DMRT1: variants seen among roughly 807,000 people sequenced by gnomAD.
DMRT1 encodes doublesex and mab-3 related transcription factor 1, also known as doublesex- and mab-3-related transcription factor 1.
A neutral mutation model predicts 32.3 loss-of-function variants in DMRT1; 7 were observed. The observed-to-expected ratio is 0.22, with a 90% CI of 0.12 to 0.41. The LOEUF (loss-of-function observed/expected upper bound fraction) is 0.41, where lower values mean the gene tolerates loss of function less well. Among genes scored for constraint, DMRT1 ranks in the 10% least tolerant of loss-of-function variants. DMRT1 has a pLI of 1.00. For missense variants in DMRT1, 625 were observed against 500.5 expected (o/e 1.25, Z -2.37); for synonymous variants, 278 against 206.1 (o/e 1.35, Z -2.99).
chr9:929,568 T>A (rs552259906), intron 4 of DMRT1, among the ~76,000 whole-genome samples: 3 of 152,004 alleles, frequency 2.0e-5, no homozygotes, highest in Non-Finnish European at 4.4e-5. Flanking sequence ...GATACATAGG[T>A]CCAGAAAGGT....
At chr9:865,669 G>A (rs569607652) in intron 2 of DMRT1, among the ~76,000 whole-genome samples, 2 of 151,978 alleles carry the variant, frequency 1.3e-5, no homozygotes, top group Admixed American at 6.6e-5. Flanking sequence ...CTTTGGGTGA[G>A]GATTACATAA....
At position 841,915 on chromosome 9, in the gene DMRT1, G is replaced by C; in HGVS notation, c.77G>C (p.Gly26Ala). ...CACGCCCCCGGGGTACCGCCGCAGG[G>C]CAGAGCCGGGGGCTTTGGCAAAGCG... ...APHAPGVPPQ[G>A]RAGGFGKASG... Residue 26 changes from glycine to alanine, a missense_variant, in exon 1 of 5, where the codon GGC becomes GCC. Transcript: ENST00000382276. The C allele has an allele frequency of 6.2e-7, 1 of 1,609,206 alleles. No homozygotes were observed. The highest frequency in any genetic ancestry group is 1.7e-5 in the Admixed American group (1 of 59,732).
rs150094650 is a variant in DMRT1 at position 914,131 on chromosome 9, A to G, written c.823-2632A>G. On this transcript the variant is annotated intron_variant, in intron 3 of 4. Transcript: ENST00000382276. ...TAATTGATAACTGGGTGTGTGTAGT[A>G]AACAGCTACCATGATTGTCCCTTTT... is the stretch of plus-strand genomic sequence containing the variant. 9.8e-5 allele frequency among the ~76,000 whole-genome samples: 15 copies of G among 152,292 alleles called. No homozygotes were observed. In the East Asian group the frequency reaches 2.9e-3, roughly 29 times the overall value.
intron 4 of DMRT1, among the ~76,000 whole-genome samples, chr9:928,846 TTTTATTTATTTA>T (rs573508979): frequency 1.3e-5 from 2 of 150,984 alleles, no homozygotes; most frequent in African/African-American, 4.9e-5. Context: ...ATTTATTTAT[TTTTATTTATTTA>T]TTTATTTATT....
intron 2 of DMRT1, among the ~76,000 whole-genome samples, chr9:866,163 C>CAA (rs71327351): frequency 0.36 from 19,097 of 52,430 alleles, 5,164 homozygotes; most frequent in East Asian, 0.63. Context: ...GAGTCCATCT[C>CAA]AAAAAAAAAA....
intron 3 of DMRT1, among the ~76,000 whole-genome samples, chr9:906,267 T>A (rs548445434): frequency 1.3e-5 from 2 of 152,316 alleles, no homozygotes; most frequent in African/African-American, 4.8e-5. Flanking sequence ...GATGTGAGTG[T>A]GTGCGTGTGC....
At chr9:906,741 G>A (rs1432946128) in intron 3 of DMRT1, among the ~76,000 whole-genome samples, 2 of 152,144 alleles carry the variant, frequency 1.3e-5, no homozygotes, top group Non-Finnish European at 2.9e-5. Flanking sequence ...GAGACAATGC[G>A]AAGAGTTGTT....
intron 2 of DMRT1, among the ~76,000 whole-genome samples, chr9:890,434 G>A (rs1205668436): frequency 1.3e-5 from 2 of 152,188 alleles, no homozygotes; most frequent in Non-Finnish European, 2.9e-5. Context: ...GCATTTACAG[G>A]AGCCTAGCAT....
chr9:896,835 T>C (rs1264677263), intron 3 of DMRT1, among the ~76,000 whole-genome samples: 1 of 151,888 alleles, frequency 6.6e-6, no homozygotes. Context: ...GAATTGACTT[T>C]TCTAAGCCCA....
At chr9:953,900 G>C (rs1047002763) in intron 4 of DMRT1, among the ~76,000 whole-genome samples, 1 of 152,172 alleles carries the variant, frequency 6.6e-6, no homozygotes, top group African/African-American at 2.4e-5. Context: ...ACCATAACAT[G>C]GTCCCTCCTC....
intron 2 of DMRT1, among the ~76,000 whole-genome samples, chr9:864,190 ACTTCTT>A (rs149663610): frequency 6.1e-5 from 9 of 146,648 alleles, no homozygotes; most frequent in Admixed American, 4.8e-4. Context: ...TATTCTTTTA[ACTTCTT>A]CTTCTTCTTT....
In DMRT1 at chr9:930,720, T is replaced by A. The variant is rs191030196; in HGVS notation, c.967+13813T>A. On this transcript the variant is annotated intron_variant, in intron 4 of 4. Coordinates refer to ENST00000382276, the MANE Select transcript of DMRT1 (RefSeq NM_021951.3). ...ACCGCACCCGGCCAATTTTAAAAAA[T>A]TTTTTGTAGGACAGGTTCTTGCTAT... 6.1e-3 allele frequency among the ~76,000 whole-genome samples: 927 copies of A among 152,198 alleles called. 6 individuals are homozygous for A. Among genetic ancestry groups the A allele is most frequent in the African/African-American group, 0.021 (881 of 41,524 alleles).
At chr9:847,920 A>G (rs1339816863) in intron 2 of DMRT1, among the ~76,000 whole-genome samples, 1 of 152,260 alleles carries the variant, frequency 6.6e-6, no homozygotes, top group Non-Finnish European at 1.5e-5. Context: ...ATAGCCATAT[A>G]CAGCTAAGGG....
At chr9:888,365 G>T (rs1203430254) in intron 2 of DMRT1, among the ~76,000 whole-genome samples, 4 of 151,428 alleles carry the variant, frequency 2.6e-5, no homozygotes, top group African/African-American at 9.7e-5. Context: ...GAGTGCAGTG[G>T]TGCGATCTCG....
chr9:892,593 C>T (rs1471823181), intron 2 of DMRT1, among the ~76,000 whole-genome samples: 1 of 152,168 alleles, frequency 6.6e-6, no homozygotes, highest in Non-Finnish European at 1.5e-5. Flanking sequence ...TGTCCTTGAA[C>T]TCACTTTGGT....
intron 2 of DMRT1, among the ~76,000 whole-genome samples, chr9:849,283 C>T (rs968428422): frequency 1.3e-5 from 2 of 152,094 alleles, no homozygotes; most frequent in Admixed American, 6.6e-5. Flanking sequence ...GGACACTTAA[C>T]GATTGTTTAG....
At chr9:896,720 G>A (rs113817329) in intron 3 of DMRT1, among the ~76,000 whole-genome samples, 4,592 of 151,958 alleles carry the variant, frequency 0.03, 192 homozygotes, top group African/African-American at 0.093. Context: ...GGCTGAGGCA[G>A]AAGAATCGTC....
At position 846,996 on chromosome 9, in the gene DMRT1, T is replaced by A. The variant is rs149922694; in HGVS notation, c.391T>A (p.Leu131Met). Residue 131 changes from leucine to methionine, a missense_variant, in exon 2 of 5, where the codon TTG becomes ATG. Coordinates refer to ENST00000382276, the MANE Select transcript of DMRT1 (RefSeq NM_021951.3). ...AAGGCAGCAGGCCCAGGAGGAGGAATTGGGTATCAGCCACCCCATCCCACT... is the reference window on the plus strand; with the variant it reads ...AAGGCAGCAGGCCCAGGAGGAGGAAATGGGTATCAGCCACCCCATCCCACT... ...LRRQQAQEEE[L>M]GISHPIPLPS... 2 of 1,613,972 alleles carry A rather than the reference T, an allele frequency of 1.2e-6. No individual in the cohort carries two copies. Among genetic ancestry groups the A allele is most frequent in the Non-Finnish European group, 1.7e-6 (2 of 1,180,042 alleles).
At chr9:918,424 A>G (rs1818250863) in intron 4 of DMRT1, among the ~76,000 whole-genome samples, 1 of 151,398 alleles carries the variant, frequency 6.6e-6, no homozygotes, top group Non-Finnish European at 1.5e-5. Context: ...ATAAGAGGCA[A>G]TTTATTAGAG....
Sources: gnomAD v4.1 joint callset for allele counts (sites outside exome capture counted in the v4.1 genomes callset) on GRCh38, gnomAD v4.1.1 for gene constraint, MANE v1.5 for transcripts, NCBI Gene and HGNC (gene_info 2026-07-23, HGNC 2026-07-21) for gene names.